The following NEMP2 variants were observed in gnomAD, a reference collection of about 807,000 sequenced individuals.
NEMP2 encodes UPF0571 transmembrane protein.
Under a neutral mutation model 54.2 loss-of-function variants are expected in NEMP2, and 53 were observed. The observed-to-expected ratio is 0.98, with a 90% CI of 0.78 to 1.23. The LOEUF (loss-of-function observed/expected upper bound fraction) is 1.23, where lower values mean the gene tolerates loss of function less well. Among genes scored for constraint, NEMP2 ranks in the 50% most tolerant of loss-of-function variants. The pLI is 0.00. For missense variants in NEMP2, 455 were observed against 511.3 expected, an observed-to-expected ratio of 0.89 and a Z score of 1.06; for synonymous variants, 197 against 190.3, an observed-to-expected ratio of 1.04 and a Z score of -0.29.
chr2:190,473,672 A>AAGTC, the NEMP2 span, among the ~76,000 whole-genome samples: 1 of 152,206 alleles, frequency 6.6e-6, no homozygotes, highest in Non-Finnish European at 1.5e-5. Flanking sequence ...ACGAGACAGA[A>AAGTC]AGTCAGTAAG....
the NEMP2 span, among the ~76,000 whole-genome samples, chr2:190,441,842 G>T: frequency 6.6e-6 from 1 of 152,034 alleles, no homozygotes; most frequent in Non-Finnish European, 1.5e-5. Context: ...GCCCAAGGCC[G>T]TGGAGAGGCT....
At chr2:190,600,571 G>C in the NEMP2 span, among the ~76,000 whole-genome samples, 1 of 152,110 alleles carries the variant, frequency 6.6e-6, no homozygotes. This position sits in a 1 kb window ranked among gnomAD's most constrained non-coding sequence, Gnocchi z 4.9. Flanking sequence ...CTGGAGAATG[G>C]ATTAGTTTCT....
the NEMP2 span, among the ~76,000 whole-genome samples, chr2:190,554,459 G>C: frequency 6.6e-6 from 1 of 152,216 alleles, no homozygotes; most frequent in African/African-American, 2.4e-5. This position sits in a 1 kb window ranked among gnomAD's most constrained non-coding sequence, Gnocchi z 5.7. Flanking sequence ...GGACTCTGGA[G>C]CTTGGTGGAG....
In NEMP2 at chr2:190,514,410, G is replaced by C; in HGVS notation, c.953+43C>G. On this transcript the variant is annotated intron_variant, in intron 7 of 8. Coordinates refer to ENST00000409150, the MANE Select transcript of NEMP2 (RefSeq NM_001142645.2). The surrounding 1 kb of genome is among the most constrained non-coding windows in gnomAD (Gnocchi z 5.7). ...CACTCTCCCAAATAATAAAACTAGA[G>C]CTCAAAATGTCAAATTTGCTGGGGG... The C allele has an allele frequency of 6.8e-7, 1 of 1,475,882 alleles. No homozygotes were observed. Among genetic ancestry groups the C allele is most frequent in the Non-Finnish European group, 9.3e-7 (1 of 1,080,196 alleles). 91.4% of individuals were successfully genotyped at this position (1,475,882 alleles called of 1,614,324 possible).
chr2:190,525,876 T>C lies in NEMP2; in HGVS notation c.98-498A>G, dbSNP rs1690915305. The stretch of plus-strand genomic sequence containing the variant: ...GAAGGTATAGGGATACAAGAAGACA[T>C]TTGAACACCTGTAGCTGGAGTGGTA... On this transcript the variant is annotated intron_variant, in intron 1 of 8. Transcript: ENST00000409150. This position sits in a 1 kb window ranked among gnomAD's most constrained non-coding sequence, Gnocchi z 5.0. Among the ~76,000 whole-genome samples, 1 of 152,142 alleles carries C rather than the reference T, an allele frequency of 6.6e-6. No individual in the cohort carries two copies. Among genetic ancestry groups the C allele is most frequent in the African/African-American group, 2.4e-5 (1 of 41,408 alleles).
the NEMP2 span, among the ~76,000 whole-genome samples, chr2:190,554,398 T>A: frequency 6.6e-6 from 1 of 152,104 alleles, no homozygotes; most frequent in African/African-American, 2.4e-5. This position sits in a 1 kb window ranked among gnomAD's most constrained non-coding sequence, Gnocchi z 5.7. Context: ...CAAGCTAAGA[T>A]CCACTGGCTT....
chr2:190,472,843 C>T, the NEMP2 span, among the ~76,000 whole-genome samples: 1 of 152,160 alleles, frequency 6.6e-6, no homozygotes, highest in Non-Finnish European at 1.5e-5. Context: ...AGAGAAAGGT[C>T]GGGTTACCCA....
intron 1 of NEMP2, chr2:190,534,031 GT>G: frequency 1.0e-6 from 1 of 974,014 alleles, no homozygotes. Flanking sequence ...ACGTGGGACC[GT>G]TATGTTTACT....
At chr2:190,632,354 G>A in the NEMP2 span, among the ~76,000 whole-genome samples, 5 of 152,242 alleles carry the variant, frequency 3.3e-5, no homozygotes, top group Admixed American at 2.6e-4. This position sits in a 1 kb window ranked among gnomAD's most constrained non-coding sequence, Gnocchi z 4.8. Context: ...GTCAATGATA[G>A]TCACCATTTC....
the NEMP2 span, among the ~76,000 whole-genome samples, chr2:190,429,471 A>G: frequency 1.3e-5 from 2 of 151,746 alleles, no homozygotes; most frequent in Non-Finnish European, 2.9e-5. Flanking sequence ...GATTACAGGC[A>G]CCCACCACCA....
At chr2:190,429,168 A>AT in the NEMP2 span, among the ~76,000 whole-genome samples, 1 of 149,554 alleles carries the variant, frequency 6.7e-6, no homozygotes. Context: ...TTTCCTACTG[A>AT]TTTTTTTCTA....
At chr2:190,474,455 A>T in the NEMP2 span, among the ~76,000 whole-genome samples, 4 of 152,258 alleles carry the variant, frequency 2.6e-5, no homozygotes, top group African/African-American at 7.2e-5. Flanking sequence ...CAAATAAACT[A>T]GAAAATCTAG....
chr2:190,530,456 C>T lies in NEMP2; in HGVS notation c.97+4103G>A, dbSNP rs927106768. The stretch of plus-strand genomic sequence containing the variant: ...CCATAAATTCAGCCATAAGAAGCCA[C>T]AAGCCTAGCTTCAAGTCAGTTCATT... On this transcript the variant is annotated intron_variant, in intron 1 of 8. Coordinates refer to ENST00000409150, the MANE Select transcript of NEMP2 (RefSeq NM_001142645.2). This position sits in a 1 kb window ranked among gnomAD's most constrained non-coding sequence, Gnocchi z 4.6. Among the ~76,000 whole-genome samples, 1 of 152,198 alleles carries T rather than the reference C, an allele frequency of 6.6e-6. No homozygotes were observed. Among genetic ancestry groups the T allele is most frequent in the Non-Finnish European group, 1.5e-5 (1 of 68,036 alleles).
chr2:190,633,767 T>G, the NEMP2 span, among the ~76,000 whole-genome samples: 14 of 152,270 alleles, frequency 9.2e-5, no homozygotes, highest in African/African-American at 2.9e-4. Context: ...TTCTTTAACT[T>G]TATTAAAATA....
At chr2:190,618,676 C>T in the NEMP2 span, among the ~76,000 whole-genome samples, 1 of 152,218 alleles carries the variant, frequency 6.6e-6, no homozygotes, top group Non-Finnish European at 1.5e-5. Flanking sequence ...ATCTCCTGGG[C>T]TCGAGCAATC....
At chr2:190,631,584 T>G in the NEMP2 span, among the ~76,000 whole-genome samples, 1 of 152,262 alleles carries the variant, frequency 6.6e-6, no homozygotes, top group Non-Finnish European at 1.5e-5. Context: ...TCTTTCAGAT[T>G]ATATATTAAC....
the NEMP2 span, among the ~76,000 whole-genome samples, chr2:190,554,978 G>T: frequency 7.2e-5 from 11 of 152,356 alleles, no homozygotes; most frequent in South Asian, 2.3e-3. This position sits in a 1 kb window ranked among gnomAD's most constrained non-coding sequence, Gnocchi z 5.7. Flanking sequence ...AGCAATCTTT[G>T]CTGTTCTGCA....
Position 190,529,776 on chromosome 2 carries a change from C to T in NEMP2, c.98-4398G>A, listed in dbSNP as rs987092358. The stretch of plus-strand genomic sequence containing the variant: ...AGAGCCTGGCCAGGAATAGTCAGCA[C>T]CGTAAAAGAAGGTGCACTCTGGCCC... On this transcript the variant is annotated intron_variant, in intron 1 of 8. Transcript: ENST00000409150. The surrounding 1 kb of genome is among the most constrained non-coding windows in gnomAD (Gnocchi z 4.7). Among the ~76,000 whole-genome samples the T allele has an allele frequency of 1.3e-5, 2 of 152,150 alleles. No individual in the cohort carries two copies. Among genetic ancestry groups the T allele is most frequent in the African/African-American group, 4.8e-5 (2 of 41,420 alleles).
At chr2:190,616,467 C>G in the NEMP2 span, among the ~76,000 whole-genome samples, 2 of 152,260 alleles carry the variant, frequency 1.3e-5, no homozygotes, top group East Asian at 3.9e-4. The surrounding 1 kb of genome is among the most constrained non-coding windows in gnomAD (Gnocchi z 5.1). Context: ...GTTAATAAAA[C>G]TTAAATGTAT....
Sources: allele counts gnomAD v4.1 joint callset (sites outside exome capture counted in the v4.1 genomes callset), GRCh38; gene constraint gnomAD v4.1.1; non-coding constraint Gnocchi (gnomAD v3.1); transcripts MANE v1.5; gene names NCBI Gene and HGNC (gene_info 2026-07-23, HGNC 2026-07-21).